LPCAT1: variants seen among roughly 807,000 people sequenced by gnomAD.
LPCAT1 encodes the protein 1-acylglycerol-3-phosphate O-acyltransferase.
A neutral mutation model predicts 60.9 loss-of-function variants in LPCAT1; 23 were observed. That is an observed-to-expected ratio of 0.38 (90% confidence interval 0.27 to 0.53). The LOEUF is 0.53. Among genes scored for constraint, LPCAT1 ranks in the 20% least tolerant of loss-of-function variants. The pLI, the probability that LPCAT1 is intolerant of heterozygous loss-of-function variation, is 0.82. For synonymous variants in LPCAT1, 340 were observed against 301.1 expected (o/e 1.13, Z -1.34); for missense variants, 622 against 723.6 (o/e 0.86, Z 1.61).
chr5:1,518,782 G>A (rs1390691269), intron 1 of LPCAT1, among the ~76,000 whole-genome samples: 1 of 152,244 alleles, frequency 6.6e-6, no homozygotes, highest in African/African-American at 2.4e-5. Flanking sequence ...ACGATAGGGG[G>A]CCGGACCCAG....
rs1734928153 is a variant in LPCAT1 at position 1,476,582 on chromosome 5, G to A, written c.899+822C>T. ...GCTGCAGCAGGAGCCTGGGGGTGGG[G>A]CCGGTGGACCGAGGCTGATGTGGCT... is the stretch of plus-strand genomic sequence containing the variant. On this transcript the variant is annotated intron_variant, in intron 9 of 13. Transcript: ENST00000283415. The surrounding 1 kb of genome is among the most constrained non-coding windows in gnomAD (Gnocchi z 8.6). Among the ~76,000 whole-genome samples the A allele has an allele frequency of 6.6e-6, 1 of 152,324 alleles. No homozygotes were observed. Among genetic ancestry groups the A allele is most frequent in the East Asian group, 1.9e-4 (1 of 5,182 alleles).
At chr5:1,489,991 GT>G in intron 3 of LPCAT1, 133 bp from the exon 4 acceptor site, 1 of 699,032 alleles carries the variant, frequency 1.4e-6, no homozygotes, top group Admixed American at 2.3e-5. Context: ...TGTGCCATGG[GT>G]GGGCTGTGAG....
In LPCAT1 at chr5:1,489,174, G is replaced by A. The variant is rs540586078; in HGVS notation, c.606+572C>T. The stretch of plus-strand genomic sequence containing the variant: ...GTGGGGGCAGAGCTGGGGCACCCTG[G>A]AAGTCACAGCCCTCTAAGGGGCTGC... On this transcript the variant is annotated intron_variant, in intron 4 of 13. Coordinates refer to ENST00000283415, the MANE Select transcript of LPCAT1 (RefSeq NM_024830.5). 3.9e-3 allele frequency among the ~76,000 whole-genome samples: 600 copies of A among 152,346 alleles called. 1 individual carries two copies. The highest frequency in any genetic ancestry group is 6.8e-3 in the Admixed American group (104 of 15,308).
intron 7 of LPCAT1, among the ~76,000 whole-genome samples, chr5:1,479,995 C>T (rs1177523752): frequency 3.9e-5 from 6 of 152,006 alleles, no homozygotes; most frequent in Non-Finnish European, 5.9e-5. Flanking sequence ...TCCCTCCTCG[C>T]TGTCCCCAGG....
intron 1 of LPCAT1, among the ~76,000 whole-genome samples, chr5:1,513,863 G>A (rs755341510): frequency 6.7e-6 from 1 of 148,946 alleles, no homozygotes; most frequent in South Asian, 2.1e-4. Flanking sequence ...CCGTGGGGCA[G>A]GACACCCTGT....
In LPCAT1 at chr5:1,502,333, G is replaced by A. The variant is rs1399103077; in HGVS notation, c.136-730C>T. Among the ~76,000 whole-genome samples the A allele has an allele frequency of 6.6e-6, 1 of 152,192 alleles. No homozygotes were observed. Among genetic ancestry groups the A allele is most frequent in the Admixed American group, 6.5e-5 (1 of 15,290 alleles). On this transcript the variant is annotated intron_variant, in intron 1 of 13. Coordinates refer to ENST00000283415, the MANE Select transcript of LPCAT1 (RefSeq NM_024830.5). This position sits in a 1 kb window ranked among gnomAD's most constrained non-coding sequence, Gnocchi z 5.5. ...CCCCTGAAATCGTTTATGTGGACAT[G>A]AGAAAGCATACGCCACCCTAGGCAG...
rs372038983 is a variant in LPCAT1, at chr5:1,483,508, T to A, written c.668-22A>T. Reference sequence around the variant, plus strand: ...GCACCTGCCGAGAAAGGAACAGCGGTGTTGCCCATGGCAGCCCACGCAGGA... The same window carrying A: ...GCACCTGCCGAGAAAGGAACAGCGGAGTTGCCCATGGCAGCCCACGCAGGA... On this transcript the variant is annotated intron_variant, in intron 5 of 13. Transcript: ENST00000283415. The surrounding 1 kb of genome is among the most constrained non-coding windows in gnomAD (Gnocchi z 9.2). The A allele has an allele frequency of 1.6e-5, 25 of 1,612,710 alleles. No homozygotes were observed. Among genetic ancestry groups the A allele is most frequent in the Middle Eastern group, 1.6e-4 (1 of 6,082 alleles).
At chr5:1,510,738 G>A (rs1456348256) in intron 1 of LPCAT1, 1 of 152,344 alleles carries the variant, frequency 6.6e-6, no homozygotes, top group African/African-American at 2.4e-5. Context: ...GGGACTGGAT[G>A]GTAGCATGCA....
At chr5:1,518,511 T>G (rs370370480) in intron 1 of LPCAT1, among the ~76,000 whole-genome samples, 1 of 152,172 alleles carries the variant, frequency 6.6e-6, no homozygotes, top group Non-Finnish European at 1.5e-5. Flanking sequence ...CGTCTAATTT[T>G]TTGTATTTTT....
rs1736040103 is a variant in LPCAT1 at position 1,502,160 on chromosome 5, GAC to G, written c.136-559_136-558del. ...GCTGCCATGCGAGTGGCTTGGGAAA[GAC>G]ACAGTGGAGCTTCCTCCTGCAAATT... On this transcript the variant is annotated intron_variant, in intron 1 of 13. Transcript: ENST00000283415. This position sits in a 1 kb window ranked among gnomAD's most constrained non-coding sequence, Gnocchi z 5.5. Among the ~76,000 whole-genome samples the G allele has an allele frequency of 6.6e-6, 1 of 152,178 alleles. No homozygotes were observed. The highest frequency in any genetic ancestry group is 2.1e-4 in the South Asian group (1 of 4,832).
chr5:1,519,721 C>T (rs1009223974), intron 1 of LPCAT1, among the ~76,000 whole-genome samples: 1 of 152,240 alleles, frequency 6.6e-6, no homozygotes, highest in Non-Finnish European at 1.5e-5. Flanking sequence ...GGGAAAATGA[C>T]GCTTGGGCCT....
intron 2 of LPCAT1, among the ~76,000 whole-genome samples, chr5:1,499,272 G>A (rs1176907955): frequency 6.6e-6 from 1 of 152,214 alleles, no homozygotes; most frequent in Non-Finnish European, 1.5e-5. Flanking sequence ...CCTGCCTCCT[G>A]AGACAGAACA....
At chr5:1,510,045 A>G (rs967777975) in intron 1 of LPCAT1, among the ~76,000 whole-genome samples, 1 of 152,172 alleles carries the variant, frequency 6.6e-6, no homozygotes, top group African/African-American at 2.4e-5. Flanking sequence ...TCTCATTTAT[A>G]TAAATGTATA....
rs901999475 is a variant in LPCAT1 at position 1,462,239 on chromosome 5, C to T, written c.*1412G>A. On this transcript the variant is annotated 3_prime_UTR_variant, in exon 14 of 14. Transcript: ENST00000283415. Reference sequence around the variant, plus strand: ...ATCAAAAAAATTTTCCAAACAAACCCGGAGCCTTTGCTTTAGGAAGCAAAC... The same window carrying T: ...ATCAAAAAAATTTTCCAAACAAACCTGGAGCCTTTGCTTTAGGAAGCAAAC... 4 of 152,486 alleles carry T rather than the reference C, an allele frequency of 2.6e-5. No homozygotes were observed. Among genetic ancestry groups the T allele is most frequent in the African/African-American group, 9.7e-5 (4 of 41,390 alleles). 9.4% of individuals were successfully genotyped at this position (152,486 alleles called of 1,614,324 possible). A position where few individuals can be genotyped will look rare whatever the true frequency, so the allele number is the denominator to read the frequency against.
intron 1 of LPCAT1, among the ~76,000 whole-genome samples, chr5:1,519,687 G>A (rs1191619902): frequency 6.6e-6 from 1 of 152,242 alleles, no homozygotes; most frequent in Non-Finnish European, 1.5e-5. Flanking sequence ...GGCAAAGGAT[G>A]ACAGTGACCA....
chr5:1,506,746 C>T (rs1271782457), intron 1 of LPCAT1, among the ~76,000 whole-genome samples: 1 of 152,204 alleles, frequency 6.6e-6, no homozygotes, highest in Non-Finnish European at 1.5e-5. Flanking sequence ...TCCCAGGCAG[C>T]GTCGCTGGAG....
At position 1,466,635 on chromosome 5, in the gene LPCAT1, T is replaced by C. The variant is rs1045564499; in HGVS notation, c.1420+114A>G. On this transcript the variant is annotated intron_variant, in intron 13 of 13. Coordinates refer to ENST00000283415, the MANE Select transcript of LPCAT1 (RefSeq NM_024830.5). ...TTGTTACACAGGGCAGCCTGGTGAA[T>C]GGAGGCATGGCGGGGACTCCACTCC... 4.2e-6 allele frequency: 5 copies of C among 1,183,492 alleles called. No homozygotes were observed. The African/African-American group carries it at 7.8e-5, about 18-fold the overall frequency. 73.3% of individuals were successfully genotyped at this position (1,183,492 alleles called of 1,614,324 possible).
At chr5:1,501,698 C>T (rs1736015826) in intron 1 of LPCAT1, 95 bp from the exon 2 acceptor site, 1 of 1,293,668 alleles carries the variant, frequency 7.7e-7, no homozygotes, top group Non-Finnish European at 1.1e-6. Context: ...CAGCGCGCCC[C>T]ACAGAGTGGA....
rs1178071885 is a variant in LPCAT1 at position 1,521,688 on chromosome 5, C to T, written c.135+2022G>A. On this transcript the variant is annotated intron_variant, in intron 1 of 13. Transcript: ENST00000283415. The surrounding 1 kb of genome is among the most constrained non-coding windows in gnomAD (Gnocchi z 4.3). ...GAAGTGGCAACAAAGCAAGCCCCCT[C>T]TCTGAGAGGCCCCAACACCTCAAGC... Among the ~76,000 whole-genome samples the T allele has an allele frequency of 6.6e-6, 1 of 152,236 alleles. No homozygotes were observed. Among genetic ancestry groups the T allele is most frequent in the Non-Finnish European group, 1.5e-5 (1 of 68,038 alleles).
Sources: allele counts gnomAD v4.1 joint callset (sites outside exome capture counted in the v4.1 genomes callset), GRCh38; gene constraint gnomAD v4.1.1; non-coding constraint Gnocchi (gnomAD v3.1); transcripts MANE v1.5; gene names NCBI Gene and HGNC (gene_info 2026-07-23, HGNC 2026-07-21).